Variants in GALNT13 observed in about 807,000 individuals in gnomAD.
GALNT13 encodes UDP-GalNAc:polypeptide N-acetylgalactosaminyltransferase 13.
In GALNT13, 28 loss-of-function variants were observed where a neutral mutation model predicts 64.2. The observed-to-expected ratio is 0.44, with a 90% confidence interval of 0.32 to 0.60. The LOEUF (loss-of-function observed/expected upper bound fraction) is 0.60. Ranked by LOEUF, GALNT13 falls within the 20% of genes least tolerant of loss-of-function variation. The probability of loss-of-function intolerance (pLI) is 0.05; values close to 1 mark genes in which losing one functional copy is unlikely to be tolerated. For synonymous variants in GALNT13, 214 were observed against 224.6 expected, an observed-to-expected ratio of 0.95 and a Z score of 0.42; for missense variants, 577 against 669.8, an observed-to-expected ratio of 0.86 and a Z score of 1.53.
the GALNT13 span, among the ~76,000 whole-genome samples, chr2:153,760,508 G>T: frequency 6.6e-5 from 10 of 151,958 alleles, no homozygotes; most frequent in African/African-American, 2.4e-4. Flanking sequence ...GATTATTCAA[G>T]AATATATTGT....
chr2:153,211,255 G>C, the GALNT13 span, among the ~76,000 whole-genome samples: 1 of 151,628 alleles, frequency 6.6e-6, no homozygotes, highest in African/African-American at 2.4e-5. Flanking sequence ...CAATTCTCCT[G>C]CCTCAGCCTC....
At chr2:154,012,524 A>G (rs1381620502) in intron 3 of GALNT13, among the ~76,000 whole-genome samples, 1 of 152,052 alleles carries the variant, frequency 6.6e-6, no homozygotes, top group Non-Finnish European at 1.5e-5. Flanking sequence ...ACCCTGGAAA[A>G]TCTGATAAGT....
chr2:153,094,869 C>T, the GALNT13 span, among the ~76,000 whole-genome samples: 1 of 152,230 alleles, frequency 6.6e-6, no homozygotes, highest in African/African-American at 2.4e-5. Flanking sequence ...CTTCCTTACA[C>T]CTTATACAAA....
chr2:153,285,209 A>G, the GALNT13 span, among the ~76,000 whole-genome samples: 6 of 152,080 alleles, frequency 3.9e-5, no homozygotes, highest in Admixed American at 1.3e-4. Flanking sequence ...AGACTCACTC[A>G]TTATCATGAG....
At chr2:153,547,687 T>G in the GALNT13 span, among the ~76,000 whole-genome samples, 21 of 152,336 alleles carry the variant, frequency 1.4e-4, no homozygotes, top group Admixed American at 6.5e-4. Flanking sequence ...TAAGTAAGTT[T>G]AGAAATTATA....
the GALNT13 span, among the ~76,000 whole-genome samples, chr2:153,101,337 G>A: frequency 6.6e-6 from 1 of 151,518 alleles, no homozygotes; most frequent in African/African-American, 2.4e-5. Flanking sequence ...AAAACACACT[G>A]TGTTTTGAAC....
chr2:154,119,491 C>T (rs1681807500), intron 3 of GALNT13, among the ~76,000 whole-genome samples: 1 of 152,178 alleles, frequency 6.6e-6, no homozygotes, highest in African/African-American at 2.4e-5. Flanking sequence ...AAGTCTTCAA[C>T]CATTATTTCT....
the GALNT13 span, among the ~76,000 whole-genome samples, chr2:153,689,070 ATGTGTGTGTGTGTGTG>A: frequency 2.3e-5 from 3 of 127,808 alleles, no homozygotes; most frequent in East Asian, 2.3e-4. Context: ...CCGCGTGTGT[ATGTGTGTGTGTGTGTG>A]TGTGTGTGTG....
the GALNT13 span, among the ~76,000 whole-genome samples, chr2:153,369,246 C>A: frequency 4.0e-4 from 60 of 151,624 alleles, no homozygotes; most frequent in African/African-American, 1.3e-3. Flanking sequence ...CAGCTTCCAT[C>A]AGAACAAACT....
chr2:153,320,508 A>C, the GALNT13 span, among the ~76,000 whole-genome samples: 1 of 152,222 alleles, frequency 6.6e-6, no homozygotes, highest in Non-Finnish European at 1.5e-5. Context: ...AGTGTTTCTC[A>C]GAGTGAGTGT....
chr2:153,361,237 T>G, the GALNT13 span, among the ~76,000 whole-genome samples: 1 of 152,002 alleles, frequency 6.6e-6, no homozygotes, highest in African/African-American at 2.4e-5. Flanking sequence ...AGATTGAAAC[T>G]AGGCAAACTC....
the GALNT13 span, among the ~76,000 whole-genome samples, chr2:153,296,544 G>A: frequency 6.6e-6 from 1 of 152,112 alleles, no homozygotes; most frequent in Non-Finnish European, 1.5e-5. Flanking sequence ...TTTCCAGTAT[G>A]TGATTCATAC....
the GALNT13 span, among the ~76,000 whole-genome samples, chr2:153,508,505 C>G: frequency 6.6e-6 from 1 of 152,080 alleles, no homozygotes; most frequent in South Asian, 2.1e-4. Flanking sequence ...GGAAAGCAGG[C>G]AGTCACAGAT....
the GALNT13 span, among the ~76,000 whole-genome samples, chr2:153,333,144 G>A: frequency 6.6e-5 from 10 of 152,348 alleles, no homozygotes; most frequent in Admixed American, 3.9e-4. Flanking sequence ...CAGAATGGCC[G>A]ACTGTATGCA....
chr2:153,478,116 G>T, the GALNT13 span: 3 of 771,848 alleles, frequency 3.9e-6, no homozygotes, highest in Non-Finnish European at 6.1e-6. Context: ...AAAGGCCGAA[G>T]TCGAGAGAAA....
chr2:154,227,731 C>G (rs1688697795), intron 4 of GALNT13, among the ~76,000 whole-genome samples: 1 of 151,882 alleles, frequency 6.6e-6, no homozygotes, highest in Non-Finnish European at 1.5e-5. Flanking sequence ...TCTAATCACA[C>G]AAAAATAGGC....
chr2:153,953,231 A>T (rs1000837125), intron 3 of GALNT13, among the ~76,000 whole-genome samples: 5 of 152,174 alleles, frequency 3.3e-5, no homozygotes, highest in Non-Finnish European at 7.3e-5. Context: ...TGACATATGC[A>T]TAGGAAATGA....
intron 3 of GALNT13, among the ~76,000 whole-genome samples, chr2:153,948,241 TAA>T (rs34459679): frequency 1.0e-3 from 148 of 147,808 alleles, no homozygotes; most frequent in South Asian, 1.1e-3. Flanking sequence ...TTAATGGGAC[TAA>T]AAAAAAAAAA....
intron 9 of GALNT13, among the ~76,000 whole-genome samples, chr2:154,346,645 G>T (rs1696086294): frequency 1.3e-5 from 2 of 152,046 alleles, no homozygotes; most frequent in African/African-American, 4.8e-5. Context: ...CAGCTATGTG[G>T]AACTGTAAGT....
Sources: allele counts gnomAD v4.1 joint callset (sites outside exome capture counted in the v4.1 genomes callset), GRCh38; gene constraint gnomAD v4.1.1; transcripts MANE v1.5; gene names NCBI Gene and HGNC (gene_info 2026-07-23, HGNC 2026-07-21).